Variants in OLFM2 observed in about 807,000 individuals in gnomAD.
The protein encoded by OLFM2 is noelin-2.
OLFM2 carries 20 observed loss-of-function variants against 43.9 expected under a neutral mutation model. That is an observed-to-expected ratio of 0.46 (90% CI 0.32 to 0.66). The LOEUF (loss-of-function observed/expected upper bound fraction) is 0.66, where lower values mean the gene tolerates loss of function less well. Among genes scored for constraint, OLFM2 ranks in the 30% least tolerant of loss-of-function variants. The pLI is 0.04. For missense variants in OLFM2, 416 were observed against 643.6 expected (o/e 0.65, Z 3.83); for synonymous variants, 268 against 278.6 (o/e 0.96, Z 0.38).
intron 1 of OLFM2, among the ~76,000 whole-genome samples, chr19:9,885,702 C>T (rs548075197): frequency 6.6e-6 from 1 of 152,292 alleles, no homozygotes; most frequent in East Asian, 1.9e-4. Context: ...TCCCCCCACC[C>T]TTGTGGAGCA....
rs769627537 is a variant in OLFM2, at chr19:9,857,795, G to T, written c.280C>A (p.Arg94Ser). The change falls in exon 3 of 6, where the codon CGC becomes AGC. Residue 94 changes from arginine (R) to serine (S), a missense_variant. Arg to Ser is a moderately radical substitution (Grantham distance 110). Transcript: ENST00000264833. The surrounding 1 kb of genome is among the most constrained non-coding windows in gnomAD (Gnocchi z 5.7). ...CTCCGCATGAGGGTCTCCATGCCGC[G>T]TACATACTGGAGGTCGCGATACGTC... ...LRTYRDLQYV[R>S]GMETLMRSLD... The T allele has an allele frequency of 1.2e-6, 2 of 1,613,976 alleles. No individual in the cohort carries two copies. The highest frequency in any genetic ancestry group is 1.7e-5 in the Admixed American group (1 of 59,998).
At chr19:9,894,670 T>C (rs1599485666) in intron 1 of OLFM2, among the ~76,000 whole-genome samples, 1 of 144,964 alleles carries the variant, frequency 6.9e-6, no homozygotes, top group East Asian at 2.1e-4. Context: ...GATTGCACCA[T>C]TGCACTCCAG....
rs138434829 is a variant in OLFM2, at chr19:9,887,890, G to A, written c.64-27096C>T. ...TCTACAAAAAATTAAAAAATAAGCC[G>A]GAAGTGGTGGCATGTGTCTGTAGTC... On this transcript the variant is annotated intron_variant, in intron 1 of 5. Coordinates refer to ENST00000264833, the MANE Select transcript of OLFM2 (RefSeq NM_058164.4). Among the ~76,000 whole-genome samples the A allele has an allele frequency of 9.2e-5, 14 of 152,162 alleles. No individual in the cohort carries two copies. The South Asian group carries it at 2.1e-3, about 23-fold the overall frequency.
chr19:9,903,871 C>T (rs1568381626), intron 1 of OLFM2, among the ~76,000 whole-genome samples: 1 of 152,158 alleles, frequency 6.6e-6, no homozygotes. Context: ...TCAATACTAT[C>T]CTGGCATCAC....
In OLFM2 at chr19:9,884,526, G is replaced by A. The variant is rs1233110263; in HGVS notation, c.64-23732C>T. On this transcript the variant is annotated intron_variant, in intron 1 of 5. Coordinates refer to ENST00000264833, the MANE Select transcript of OLFM2 (RefSeq NM_058164.4). The stretch of plus-strand genomic sequence containing the variant: ...TGGGAGGTGGAGGTTGCACTGAGCC[G>A]AGATTGTGCCAGTGCACTCCAGCCC... Among the ~76,000 whole-genome samples, 3 of 152,238 alleles carry A rather than the reference G, an allele frequency of 2.0e-5. No individual in the cohort carries two copies. In the South Asian group the frequency reaches 6.2e-4, roughly 32 times the overall value.
At chr19:9,888,007 A>AC (rs2046603095) in intron 1 of OLFM2, among the ~76,000 whole-genome samples, 1 of 151,550 alleles carries the variant, frequency 6.6e-6, no homozygotes, top group African/African-American at 2.4e-5. Context: ...CTCAAAGTAG[A>AC]GTTCTCCCCA....
intron 1 of OLFM2, among the ~76,000 whole-genome samples, chr19:9,875,913 C>G (rs1284493572): frequency 1.3e-5 from 2 of 152,076 alleles, no homozygotes; most frequent in Non-Finnish European, 2.9e-5. Context: ...CTAACATTAG[C>G]TGGTCAGAAG....
At chr19:9,861,323 C>A (rs532750900) in intron 1 of OLFM2, among the ~76,000 whole-genome samples, 1 of 151,700 alleles carries the variant, frequency 6.6e-6, no homozygotes, top group African/African-American at 2.4e-5. Context: ...CCGCCTGTCT[C>A]CAACACCTGG....
intron 1 of OLFM2, among the ~76,000 whole-genome samples, chr19:9,932,989 T>G (rs1599507184): frequency 6.6e-6 from 1 of 152,150 alleles, no homozygotes; most frequent in East Asian, 1.9e-4. Context: ...CTAAGTGGTC[T>G]GGCTTCCCCG....
At position 9,854,118 on chromosome 19, in the gene OLFM2, A is replaced by T; in HGVS notation, c.*68T>A. 7.1e-7 allele frequency: 1 copy of T among 1,416,618 alleles called. No homozygotes were observed. Among genetic ancestry groups the T allele is most frequent in the Non-Finnish European group, 9.9e-7 (1 of 1,009,268 alleles). 87.8% of individuals were successfully genotyped at this position (1,416,618 alleles called of 1,614,324 possible). On this transcript the variant is annotated 3_prime_UTR_variant, in exon 6 of 6. Transcript: ENST00000264833. This position sits in a 1 kb window ranked among gnomAD's most constrained non-coding sequence, Gnocchi z 9.5. ...CAGAGAGATCACCCTTGAGGGACAC[A>T]GGCAGAATGAAAAGGGCCCCCAGCC... is the stretch of plus-strand genomic sequence containing the variant.
chr19:9,897,364 G>T (rs950064728), intron 1 of OLFM2, among the ~76,000 whole-genome samples: 3 of 151,738 alleles, frequency 2.0e-5, no homozygotes, highest in Non-Finnish European at 4.4e-5. Flanking sequence ...AGGCATGGTG[G>T]TGTGAGCCTG....
chr19:9,888,805 G>A (rs1244956515), intron 1 of OLFM2, among the ~76,000 whole-genome samples: 3 of 152,260 alleles, frequency 2.0e-5, no homozygotes, highest in African/African-American at 4.8e-5. Flanking sequence ...GGTGGCTCAC[G>A]CCTGTAATCC....
At chr19:9,900,406 G>T (rs1341841990) in intron 1 of OLFM2, among the ~76,000 whole-genome samples, 1 of 152,098 alleles carries the variant, frequency 6.6e-6, no homozygotes, top group Non-Finnish European at 1.5e-5. Context: ...GTGAGAAAAG[G>T]CTGGAAAATG....
chr19:9,892,737 C>T (rs1018164036), intron 1 of OLFM2, among the ~76,000 whole-genome samples: 1 of 152,118 alleles, frequency 6.6e-6, no homozygotes, highest in Non-Finnish European at 1.5e-5. Context: ...CTCATGAGTC[C>T]TGGGACATTC....
intron 1 of OLFM2, among the ~76,000 whole-genome samples, chr19:9,919,571 C>T (rs1268979725): frequency 1.3e-5 from 2 of 152,090 alleles, no homozygotes; most frequent in Non-Finnish European, 2.9e-5. Context: ...CAACCTTCCC[C>T]TCTGGGTTCA....
intron 1 of OLFM2, among the ~76,000 whole-genome samples, chr19:9,911,945 T>C (rs2046830766): frequency 6.6e-6 from 1 of 152,004 alleles, no homozygotes; most frequent in Non-Finnish European, 1.5e-5. Flanking sequence ...GGCAAACCCA[T>C]AGTCAGGGAC....
chr19:9,903,399 T>C (rs1343039104), intron 1 of OLFM2, among the ~76,000 whole-genome samples: 1 of 152,146 alleles, frequency 6.6e-6, no homozygotes, highest in African/African-American at 2.4e-5. Context: ...TGTTATTCAC[T>C]AACATGTTAA....
intron 1 of OLFM2, among the ~76,000 whole-genome samples, chr19:9,933,698 G>A (rs2086498346): frequency 6.6e-6 from 1 of 151,358 alleles, no homozygotes; most frequent in African/African-American, 2.4e-5. Flanking sequence ...TGGGATTACA[G>A]GCGCCTGCCA....
At chr19:9,929,780 CT>C (rs1402987467) in intron 1 of OLFM2, among the ~76,000 whole-genome samples, 4 of 152,006 alleles carry the variant, frequency 2.6e-5, no homozygotes, top group African/African-American at 9.7e-5. Flanking sequence ...TGGCTCACGC[CT>C]GTAATCCCAG....
Sources: allele counts gnomAD v4.1 joint callset (sites outside exome capture counted in the v4.1 genomes callset), GRCh38; gene constraint gnomAD v4.1.1; non-coding constraint Gnocchi (gnomAD v3.1); transcripts MANE v1.5; gene names NCBI Gene and HGNC (gene_info 2026-07-23, HGNC 2026-07-21).